ELMO1: variants seen among roughly 807,000 people sequenced by gnomAD.
The protein encoded by ELMO1 is engulfment and cell motility 1.
Under a neutral mutation model 98.9 loss-of-function variants are expected in ELMO1, and 26 were observed. The observed-to-expected ratio is 0.26, with a 90% CI of 0.19 to 0.36. The LOEUF (loss-of-function observed/expected upper bound fraction) is 0.36, where lower values mean the gene tolerates loss of function less well. Among genes scored for constraint, ELMO1 ranks in the 10% least tolerant of loss-of-function variants. The pLI is 1.00. For synonymous variants in ELMO1, 346 were observed against 346.0 expected (o/e 1.00, Z 0.00); for missense variants, 627 against 935.2 (o/e 0.67, Z 4.30).
chr7:36,955,485 A>G (rs1788369030), intron 16 of ELMO1, among the ~76,000 whole-genome samples: 1 of 152,258 alleles, frequency 6.6e-6, no homozygotes, highest in Admixed American at 6.5e-5. Context: ...CTTGTCATAG[A>G]AAAATGGTCC....
At chr7:37,419,055 C>T (rs1804358607) in intron 1 of ELMO1, among the ~76,000 whole-genome samples, 1 of 152,086 alleles carries the variant, frequency 6.6e-6, no homozygotes, top group African/African-American at 2.4e-5. Context: ...ACTGAGCCCG[C>T]AGAGGAGGAT....
At chr7:36,977,221 T>C (rs1460336661) in intron 16 of ELMO1, among the ~76,000 whole-genome samples, 2 of 152,234 alleles carry the variant, frequency 1.3e-5, no homozygotes, top group African/African-American at 4.8e-5. Flanking sequence ...TGACAGAGCA[T>C]GCCATGTGGT....
At chr7:37,063,645 G>A (rs1796786086) in intron 15 of ELMO1, among the ~76,000 whole-genome samples, 1 of 152,048 alleles carries the variant, frequency 6.6e-6, no homozygotes. Flanking sequence ...CCATCATCCT[G>A]GGTTGCTTTT....
At chr7:37,093,629 C>T (rs1475514090) in intron 15 of ELMO1, among the ~76,000 whole-genome samples, 4 of 152,198 alleles carry the variant, frequency 2.6e-5, no homozygotes, top group Non-Finnish European at 5.9e-5. Context: ...ATTAGCTTTG[C>T]ATATTAGTAA....
At chr7:37,133,382 C>A in intron 13 of ELMO1, 148 bp from the exon 14 acceptor site, 1 of 573,720 alleles carries the variant, frequency 1.7e-6, no homozygotes. Context: ...TCCATGTAAA[C>A]CTACTGAGGT....
chr7:37,004,854 T>C (rs912952862), intron 16 of ELMO1, among the ~76,000 whole-genome samples: 2 of 152,108 alleles, frequency 1.3e-5, no homozygotes, highest in African/African-American at 4.8e-5. Flanking sequence ...CTCATGCCTA[T>C]AATCCCAGCA....
chr7:37,413,477 C>T (rs2052686), intron 1 of ELMO1, among the ~76,000 whole-genome samples: 25,411 of 152,130 alleles, frequency 0.17, 2,272 homozygotes, highest in South Asian at 0.26. Flanking sequence ...GAAGAAAATA[C>T]CAGTTGGTAC....
chr7:37,128,676 G>C (rs531176602), intron 14 of ELMO1, among the ~76,000 whole-genome samples: 2 of 152,196 alleles, frequency 1.3e-5, no homozygotes, highest in South Asian at 2.1e-4. Context: ...TAACTGTTAG[G>C]AGGAACAAAA....
rs139229157 is a variant in ELMO1 at position 37,014,272 on chromosome 7, C to A, written c.1301-837G>T. Among the ~76,000 whole-genome samples, 425 of 152,070 alleles carry A rather than the reference C, an allele frequency of 2.8e-3. 1 individual carries two copies. The highest frequency in any genetic ancestry group is 9.8e-3 in the African/African-American group (408 of 41,458). On this transcript the variant is annotated intron_variant, in intron 15 of 21. Transcript: ENST00000310758. ...ATACCTCATTTGATCTTTACAGTTCCTCTTACCACTCGTATCTTATGGATG... is the reference window on the plus strand; with the variant it reads ...ATACCTCATTTGATCTTTACAGTTCATCTTACCACTCGTATCTTATGGATG...
intron 13 of ELMO1, among the ~76,000 whole-genome samples, chr7:37,167,602 T>C (rs1364390114): frequency 6.6e-6 from 1 of 151,568 alleles, no homozygotes; most frequent in Non-Finnish European, 1.5e-5. Context: ...TTATGAAGCT[T>C]AGTTTGGCTG....
chr7:37,298,285 T>G (rs1160035794), intron 4 of ELMO1, among the ~76,000 whole-genome samples: 5 of 39,104 alleles, frequency 1.3e-4, no homozygotes, highest in South Asian at 1.2e-3. Flanking sequence ...GAAGTTTTTT[T>G]TGTTTTTTTT....
intron 1 of ELMO1, among the ~76,000 whole-genome samples, chr7:37,382,877 T>C (rs990336317): frequency 6.6e-6 from 1 of 152,168 alleles, no homozygotes; most frequent in Non-Finnish European, 1.5e-5. Context: ...CTATCTCTTG[T>C]TAATCTGTCT....
chr7:37,019,107 G>C (rs766865243), intron 15 of ELMO1, among the ~76,000 whole-genome samples: 1 of 152,224 alleles, frequency 6.6e-6, no homozygotes, highest in Non-Finnish European at 1.5e-5. Flanking sequence ...CTCTGAATGT[G>C]TAACAACGAC....
chr7:37,340,170 G>T (rs191527923), intron 2 of ELMO1, among the ~76,000 whole-genome samples: 1 of 152,160 alleles, frequency 6.6e-6, no homozygotes, highest in South Asian at 2.1e-4. Flanking sequence ...TATGGATTAC[G>T]AACTGTGAAT....
intron 16 of ELMO1, among the ~76,000 whole-genome samples, chr7:37,000,779 T>A (rs376580251): frequency 6.6e-6 from 1 of 152,198 alleles, no homozygotes; most frequent in South Asian, 2.1e-4. Flanking sequence ...ATTACTGATG[T>A]TATTTTTCCC....
chr7:36,928,009 A>T (rs1371006726), intron 16 of ELMO1, among the ~76,000 whole-genome samples: 1 of 152,196 alleles, frequency 6.6e-6, no homozygotes, highest in African/African-American at 2.4e-5. Context: ...GAAATCCAAA[A>T]TTTATCGCTT....
At chr7:37,320,282 GA>G (rs145701267) in intron 2 of ELMO1, among the ~76,000 whole-genome samples, 17,976 of 118,670 alleles carry the variant, frequency 0.15, 1,075 homozygotes, top group Middle Eastern at 0.21. Context: ...TGTCTCAAAA[GA>G]AAAAAAAAAA....
At chr7:37,180,291 A>G (rs957003895) in intron 13 of ELMO1, among the ~76,000 whole-genome samples, 7 of 152,182 alleles carry the variant, frequency 4.6e-5, no homozygotes, top group Non-Finnish European at 1.0e-4. Context: ...TGTAGGGGTA[A>G]TAGGATAATC....
At chr7:37,006,309 T>A (rs948520167) in intron 16 of ELMO1, among the ~76,000 whole-genome samples, 2 of 152,244 alleles carry the variant, frequency 1.3e-5, no homozygotes, top group Non-Finnish European at 2.9e-5. Flanking sequence ...CTGTTGAGAT[T>A]AGGACCTCCT....
Sources: allele counts gnomAD v4.1 joint callset (sites outside exome capture counted in the v4.1 genomes callset), GRCh38; gene constraint gnomAD v4.1.1; transcripts MANE v1.5; gene names NCBI Gene and HGNC (gene_info 2026-07-23, HGNC 2026-07-21).